HCN1: variants seen among roughly 807,000 people sequenced by gnomAD.
HCN1 encodes potassium/sodium hyperpolarization-activated cyclic nucleotide-gated channel 1.
In HCN1, 13 loss-of-function variants were observed where a neutral mutation model predicts 78.9. The observed-to-expected ratio is 0.16, with a 90% CI of 0.11 to 0.26. HCN1 has a LOEUF of 0.26. Ranked by LOEUF, HCN1 falls within the 10% of genes least tolerant of loss-of-function variation. The pLI is 1.00. For missense variants in HCN1, 810 were observed against 1,154.3 expected (o/e 0.70, Z 4.32); for synonymous variants, 552 against 455.5 (o/e 1.21, Z -2.70).
intron 2 of HCN1, among the ~76,000 whole-genome samples, chr5:45,603,322 A>T (rs1744662504): frequency 6.6e-6 from 1 of 152,082 alleles, no homozygotes; most frequent in Admixed American, 6.6e-5. Flanking sequence ...GGCTAGAACA[A>T]TTGCCAGTAT....
chr5:45,298,945 A>T (rs1369150336), intron 6 of HCN1, among the ~76,000 whole-genome samples: 1 of 152,022 alleles, frequency 6.6e-6, no homozygotes, highest in African/African-American at 2.4e-5. Flanking sequence ...TGAGAATGGT[A>T]CTTTAAGTCT....
At chr5:45,674,903 G>A (rs1406932309) in intron 1 of HCN1, among the ~76,000 whole-genome samples, 1 of 150,398 alleles carries the variant, frequency 6.6e-6, no homozygotes, top group Non-Finnish European at 1.5e-5. Flanking sequence ...AACATAACAA[G>A]ACAATATCTC....
intron 2 of HCN1, among the ~76,000 whole-genome samples, chr5:45,581,508 G>T (rs1744072222): frequency 6.6e-6 from 1 of 152,176 alleles, no homozygotes; most frequent in South Asian, 2.1e-4. Context: ...TTGCTGTGCA[G>T]AAGCTCTTTA....
Position 45,696,031 on chromosome 5 carries a change from G to A in HCN1, c.63C>T (p.Phe21=). ...CGCCCGTCGCGGACGCCTTGGCGGGGAAGACGCTGTTGCCATCGTCCCGGC... is the reference window on the plus strand; with the variant it reads ...CGCCCGTCGCGGACGCCTTGGCGGGAAAGACGCTGTTGCCATCGTCCCGGC... ...SNSRDDGNSV[F]PAKASATGAG... The change falls in exon 1 of 8, where the codon TTC becomes TTT. Residue 21 remains phenylalanine (F), a synonymous_variant. Coordinates refer to ENST00000303230, the MANE Select transcript of HCN1 (RefSeq NM_021072.4). The A allele has an allele frequency of 7.5e-7, 1 of 1,336,130 alleles. No individual in the cohort carries two copies. Among genetic ancestry groups the A allele is most frequent in the Non-Finnish European group, 9.7e-7 (1 of 1,034,046 alleles). The allele number at this position is 1,336,130 out of a possible 1,614,324, so 82.8% of individuals were successfully genotyped here. A position where few individuals can be genotyped will look rare whatever the true frequency, so the allele number is the denominator to read the frequency against.
chr5:45,610,225 A>G (rs1296411372), intron 2 of HCN1, among the ~76,000 whole-genome samples: 2 of 152,164 alleles, frequency 1.3e-5, no homozygotes, highest in Admixed American at 6.6e-5. Context: ...TATATATTCT[A>G]GCAGAAAATA....
At chr5:45,313,453 A>G (rs1745904195) in intron 5 of HCN1, among the ~76,000 whole-genome samples, 1 of 152,236 alleles carries the variant, frequency 6.6e-6, no homozygotes, top group South Asian at 2.1e-4. Context: ...TCTAAAAATC[A>G]GAGCACCTCT....
intron 5 of HCN1, among the ~76,000 whole-genome samples, chr5:45,344,111 C>G (rs1746646973): frequency 6.6e-6 from 1 of 152,070 alleles, no homozygotes; most frequent in African/African-American, 2.4e-5. Context: ...GCAAACATGT[C>G]CTTCTTCACA....
intron 1 of HCN1, among the ~76,000 whole-genome samples, chr5:45,682,278 TATATATATATACAC>T (rs1193166692): frequency 8.8e-6 from 1 of 113,820 alleles, no homozygotes; most frequent in African/African-American, 3.5e-5. Flanking sequence ...TATACATATA[TATATATATATACAC>T]ATATATATAT....
intron 2 of HCN1, among the ~76,000 whole-genome samples, chr5:45,593,532 A>G (rs1055676745): frequency 1.3e-5 from 2 of 152,120 alleles, no homozygotes; most frequent in African/African-American, 4.8e-5. Flanking sequence ...CCACATGTTT[A>G]AGAGACAGAC....
At chr5:45,451,793 T>C (rs1461184290) in intron 3 of HCN1, among the ~76,000 whole-genome samples, 1 of 152,006 alleles carries the variant, frequency 6.6e-6, no homozygotes, top group African/African-American at 2.4e-5. Context: ...AATTCAATTA[T>C]ATCCACATTT....
intron 2 of HCN1, chr5:45,576,507 C>T (rs1403278069): frequency 6.6e-6 from 1 of 151,992 alleles, no homozygotes; most frequent in Non-Finnish European, 1.5e-5. Flanking sequence ...AACAAATTGC[C>T]ACAGTCACCC....
At chr5:45,378,027 G>C (rs1381273206) in intron 4 of HCN1, among the ~76,000 whole-genome samples, 1 of 151,826 alleles carries the variant, frequency 6.6e-6, no homozygotes, top group Non-Finnish European at 1.5e-5. Context: ...TGCCTTTTGG[G>C]TGGTCCAAAG....
chr5:45,694,276 CTG>C (rs994308261), intron 1 of HCN1, among the ~76,000 whole-genome samples: 1 of 152,122 alleles, frequency 6.6e-6, no homozygotes, highest in Non-Finnish European at 1.5e-5. Flanking sequence ...TTGGACTTTG[CTG>C]TGTGTTTTTA....
intron 4 of HCN1, among the ~76,000 whole-genome samples, chr5:45,387,126 G>C (rs1437424057): frequency 3.3e-5 from 5 of 151,730 alleles, no homozygotes; most frequent in Non-Finnish European, 5.9e-5. Context: ...AAAATATTTT[G>C]TCCCAAAGTG....
rs571279282 is a variant in HCN1 at position 45,386,983 on chromosome 5, A to G, written c.1230+9509T>C. ...GCAAGAAATCTTTTAAAACAAATAT[A>G]CTATTGTAAGATAATTTCACTTGGC... On this transcript the variant is annotated intron_variant, in intron 4 of 7. Transcript: ENST00000303230. 4.6e-5 allele frequency among the ~76,000 whole-genome samples: 7 copies of G among 152,164 alleles called. No homozygotes were observed. The South Asian group carries it at 6.2e-4, about 14-fold the overall frequency.
At chr5:45,685,573 G>A (rs571960623) in intron 1 of HCN1, among the ~76,000 whole-genome samples, 22 of 152,280 alleles carry the variant, frequency 1.4e-4, no homozygotes, top group East Asian at 3.9e-4. Context: ...TTAGCTGGGC[G>A]TGGTGGCACA....
At chr5:45,297,946 A>G (rs1036748013) in intron 6 of HCN1, among the ~76,000 whole-genome samples, 2 of 151,368 alleles carry the variant, frequency 1.3e-5, no homozygotes, top group African/African-American at 2.4e-5. Flanking sequence ...GAAAAGCTGT[A>G]ATGAAGGATA....
Position 45,657,119 on chromosome 5 carries a change from C to T in HCN1, c.426-11511G>A, listed in dbSNP as rs576236049. Among the ~76,000 whole-genome samples the T allele has an allele frequency of 3.9e-5, 6 of 152,190 alleles. No individual in the cohort carries two copies. In the South Asian group the frequency reaches 1.2e-3, roughly 32 times the overall value. On this transcript the variant is annotated intron_variant, in intron 1 of 7. Transcript: ENST00000303230. Reference sequence around the variant, plus strand: ...TATCGAGGGTGTGTGGGCAGACCAACATTTGCTGTGGAATATTAAAGAATT... The same window carrying T: ...TATCGAGGGTGTGTGGGCAGACCAATATTTGCTGTGGAATATTAAAGAATT...
At chr5:45,351,082 A>G (rs1746890219) in intron 5 of HCN1, among the ~76,000 whole-genome samples, 1 of 152,258 alleles carries the variant, frequency 6.6e-6, no homozygotes, top group South Asian at 2.1e-4. Context: ...ATCCTAAGCC[A>G]AAAGAACAAA....
Sources: allele counts gnomAD v4.1 joint callset (sites outside exome capture counted in the v4.1 genomes callset), GRCh38; gene constraint gnomAD v4.1.1; transcripts MANE v1.5; gene names NCBI Gene and HGNC (gene_info 2026-07-23, HGNC 2026-07-21).